The following CNTNAP2 variants were observed in gnomAD, a reference collection of about 807,000 sequenced individuals.
CNTNAP2 encodes the protein contactin associated protein 2, also known as contactin-associated protein-like 2.
In CNTNAP2, 98 loss-of-function variants were observed where a neutral mutation model predicts 155.2. That is an observed-to-expected ratio of 0.63 (90% confidence interval 0.54 to 0.75). CNTNAP2 has a LOEUF of 0.75. CNTNAP2 is among the 30% of genes least tolerant of loss of function. The probability of loss-of-function intolerance (pLI) is 0.00; values close to 1 mark genes in which losing one functional copy is unlikely to be tolerated. For synonymous variants in CNTNAP2, 651 were observed against 631.2 expected (o/e 1.03, Z -0.47); for missense variants, 1,727 against 1,688.1 (o/e 1.02, Z -0.40).
intron 1 of CNTNAP2, among the ~76,000 whole-genome samples, chr7:146,557,964 C>T (rs1427183599): frequency 1.3e-5 from 2 of 152,096 alleles, no homozygotes; most frequent in Non-Finnish European, 2.9e-5. Context: ...CACTTATTAG[C>T]AATGAAACAG....
chr7:146,842,833 CCG>C (rs1562970002), intron 3 of CNTNAP2, among the ~76,000 whole-genome samples: 1 of 151,172 alleles, frequency 6.6e-6, no homozygotes, highest in African/African-American at 2.4e-5. Context: ...CCACAGGCGC[CCG>C]CCACCACGCC....
At chr7:148,349,259 A>G (rs562432380) in intron 21 of CNTNAP2, among the ~76,000 whole-genome samples, 4 of 152,284 alleles carry the variant, frequency 2.6e-5, no homozygotes, top group African/African-American at 7.2e-5. Context: ...ATCTAAAGAC[A>G]GGGGGTTCCA....
chr7:146,309,520 G>C (rs577985076), intron 1 of CNTNAP2, among the ~76,000 whole-genome samples: 2 of 152,144 alleles, frequency 1.3e-5, no homozygotes, highest in Admixed American at 1.3e-4. Flanking sequence ...AGGAGAAATA[G>C]GTGGGGCGCG....
intron 1 of CNTNAP2, among the ~76,000 whole-genome samples, chr7:146,143,880 A>T (rs111502698): frequency 1.1e-4 from 16 of 151,864 alleles, no homozygotes; most frequent in Non-Finnish European, 2.1e-4. Flanking sequence ...TTCCTGCTTC[A>T]GTCTCCCATG....
At chr7:148,018,897 A>G (rs1802228586) in intron 15 of CNTNAP2, among the ~76,000 whole-genome samples, 1 of 152,212 alleles carries the variant, frequency 6.6e-6, no homozygotes, top group Admixed American at 6.5e-5. Flanking sequence ...CATAATATCC[A>G]TTTCCCTCTA....
chr7:147,993,208 A>C (rs1339065684), intron 15 of CNTNAP2, among the ~76,000 whole-genome samples: 1 of 152,212 alleles, frequency 6.6e-6, no homozygotes. Flanking sequence ...CATTTTAACA[A>C]AGGCAAAAAC....
chr7:146,210,249 G>A (rs1473574843), intron 1 of CNTNAP2, among the ~76,000 whole-genome samples: 1 of 152,142 alleles, frequency 6.6e-6, no homozygotes, highest in Non-Finnish European at 1.5e-5. Context: ...AAACCTCAGT[G>A]CTACCATATG....
chr7:146,695,623 C>A (rs1019432133), intron 1 of CNTNAP2, among the ~76,000 whole-genome samples: 2 of 151,842 alleles, frequency 1.3e-5, no homozygotes, highest in Admixed American at 1.3e-4. Context: ...GAAGGGGTTT[C>A]CTCGTGTTGC....
At chr7:147,838,717 T>C (rs1798671768) in intron 13 of CNTNAP2, among the ~76,000 whole-genome samples, 1 of 152,226 alleles carries the variant, frequency 6.6e-6, no homozygotes, top group Non-Finnish European at 1.5e-5. Flanking sequence ...ATTATCAGCA[T>C]TTTGGTCAAA....
chr7:147,751,649 A>G (rs762009381), intron 13 of CNTNAP2, among the ~76,000 whole-genome samples: 2 of 152,268 alleles, frequency 1.3e-5, no homozygotes, highest in African/African-American at 4.8e-5. Flanking sequence ...TGTGCTACAC[A>G]ATAGCTGAGT....
chr7:146,856,925 G>T lies in CNTNAP2; in HGVS notation c.402+17021G>T, dbSNP rs555998370. ...AGGTAAAAGAAAATTAAAGGGACAT[G>T]ATACCTACCTGTAATACGTGATCCT... On this transcript the variant is annotated intron_variant, in intron 3 of 23. Transcript: ENST00000361727. 3.9e-5 allele frequency among the ~76,000 whole-genome samples: 6 copies of T among 152,246 alleles called. No individual in the cohort carries two copies. The East Asian group carries it at 9.7e-4, about 25-fold the overall frequency.
intron 13 of CNTNAP2, among the ~76,000 whole-genome samples, chr7:147,813,686 C>T (rs978506430): frequency 2.0e-5 from 3 of 152,168 alleles, no homozygotes; most frequent in African/African-American, 4.8e-5. Context: ...AATAGCAGTC[C>T]TGTGATATTA....
At chr7:148,341,371 G>C (rs1252921116) in intron 21 of CNTNAP2, among the ~76,000 whole-genome samples, 3 of 151,776 alleles carry the variant, frequency 2.0e-5, no homozygotes, top group Non-Finnish European at 2.9e-5. Context: ...TGTAGTTGCT[G>C]GCTGTTATTT....
At chr7:147,206,831 C>T (rs372450970) in intron 8 of CNTNAP2, among the ~76,000 whole-genome samples, 35 of 152,200 alleles carry the variant, frequency 2.3e-4, no homozygotes, top group East Asian at 1.5e-3. Context: ...TATTTTGCTT[C>T]GGATTTTCTC....
At chr7:147,596,299 A>C (rs1200679235) in intron 12 of CNTNAP2, among the ~76,000 whole-genome samples, 5 of 152,076 alleles carry the variant, frequency 3.3e-5, no homozygotes, top group Non-Finnish European at 2.9e-5. Context: ...TCTATTTTTT[A>C]AATTTCTGTC....
intron 2 of CNTNAP2, among the ~76,000 whole-genome samples, chr7:146,826,727 G>A (rs1363117271): frequency 1.3e-5 from 2 of 151,978 alleles, no homozygotes; most frequent in South Asian, 2.1e-4. Flanking sequence ...GAGTGCTAGA[G>A]TTTTAATACA....
intron 3 of CNTNAP2, among the ~76,000 whole-genome samples, chr7:146,973,826 A>G (rs1490224011): frequency 6.6e-6 from 1 of 152,104 alleles, no homozygotes; most frequent in African/African-American, 2.4e-5. Flanking sequence ...TTCCAACTGG[A>G]TTTCCAAGGT....
At chr7:147,954,397 T>C (rs1432388326) in intron 14 of CNTNAP2, among the ~76,000 whole-genome samples, 2 of 151,914 alleles carry the variant, frequency 1.3e-5, no homozygotes, top group African/African-American at 4.8e-5. Context: ...GTAGAAGATA[T>C]AGCATTGCAT....
intron 1 of CNTNAP2, among the ~76,000 whole-genome samples, chr7:146,136,477 G>A (rs1797799284): frequency 6.6e-6 from 1 of 152,154 alleles, no homozygotes; most frequent in Non-Finnish European, 1.5e-5. Context: ...AGGTCGGGAA[G>A]TCAGGACAGA....
Sources: allele counts gnomAD v4.1 joint callset (sites outside exome capture counted in the v4.1 genomes callset), GRCh38; gene constraint gnomAD v4.1.1; transcripts MANE v1.5; gene names NCBI Gene and HGNC (gene_info 2026-07-23, HGNC 2026-07-21).